The following SCARB1 variants were observed in gnomAD, a reference collection of about 807,000 sequenced individuals.
The protein encoded by SCARB1 is CD36 and LIMPII analogous 1.
SCARB1 carries 30 observed loss-of-function variants against 57.2 expected under a neutral mutation model. That is an observed-to-expected ratio of 0.52 (90% CI 0.39 to 0.71). SCARB1 has a LOEUF of 0.71. Among genes scored for constraint, SCARB1 ranks in the 30% least tolerant of loss-of-function variants. The pLI is 0.00. For missense variants in SCARB1, 543 were observed against 671.2 expected (o/e 0.81, Z 2.11); for synonymous variants, 249 against 268.3 (o/e 0.93, Z 0.70).
At position 124,778,593 on chromosome 12, in the gene SCARB1, A is replaced by G; in HGVS notation, c.*1-7T>C. ...TCACGGTGTCCTCAGGACCCTGTGG[A>G]GAAAGGCAAAGCTGGGTGACCACCC... On this transcript the variant is annotated splice_region_variant and splice_polypyrimidine_tract_variant and intron_variant, in intron 12 of 12. Transcript: ENST00000261693. The G allele has an allele frequency of 7.1e-7, 1 of 1,410,860 alleles. No individual in the cohort carries two copies. Among genetic ancestry groups the G allele is most frequent in the Non-Finnish European group, 9.2e-7 (1 of 1,085,540 alleles). 87.4% of individuals were successfully genotyped at this position (1,410,860 alleles called of 1,614,324 possible).
intron 9 of SCARB1, among the ~76,000 whole-genome samples, chr12:124,794,658 C>A (rs1455377764): frequency 6.6e-6 from 1 of 152,126 alleles, no homozygotes; most frequent in Admixed American, 6.5e-5. Flanking sequence ...AGGCCGGGCA[C>A]GGTGGCTCAC....
chr12:124,810,936 G>A lies in SCARB1; in HGVS notation c.727-647C>T, dbSNP rs139171931. The stretch of plus-strand genomic sequence containing the variant: ...TTTGCCACTCTGGGCACCGGTTGGG[G>A]TACGATTTGTCCCTAGCCCTCAGGG... On this transcript the variant is annotated intron_variant, in intron 5 of 12. Transcript: ENST00000261693. The surrounding 1 kb of genome is among the most constrained non-coding windows in gnomAD (Gnocchi z 4.0). Among the ~76,000 whole-genome samples, 184 of 152,332 alleles carry A rather than the reference G, an allele frequency of 1.2e-3. 1 individual carries two copies. Among genetic ancestry groups the A allele is most frequent in the African/African-American group, 4.2e-3 (175 of 41,588 alleles).
intron 11 of SCARB1, 186 bp downstream of exon 11, chr12:124,786,171 T>C (rs929040866): frequency 2.5e-6 from 4 of 1,570,040 alleles, no homozygotes; most frequent in Middle Eastern, 1.7e-4. Flanking sequence ...CAACGCGGCA[T>C]GCAAAAGACG....
At chr12:124,863,564 G>C in intron 1 of SCARB1, 31 bp downstream of exon 1, 2 of 1,593,172 alleles carry the variant, frequency 1.3e-6, no homozygotes, top group Non-Finnish European at 8.5e-7. Context: ...CCGGGTCCGT[G>C]CGCGGACCCC....
intron 9 of SCARB1, among the ~76,000 whole-genome samples, 200 bp from the exon 10 acceptor site, chr12:124,787,657 A>T (rs952173214): frequency 6.6e-6 from 1 of 152,220 alleles, no homozygotes; most frequent in African/African-American, 2.4e-5. Context: ...CTCAGTCTAC[A>T]GCCCTCAATA....
intron 1 of SCARB1, among the ~76,000 whole-genome samples, chr12:124,829,834 A>G (rs780725422): frequency 6.6e-6 from 1 of 152,204 alleles, no homozygotes; most frequent in Admixed American, 6.5e-5. Flanking sequence ...TGAAAATACC[A>G]TTCTTCCTAA....
At chr12:124,854,339 T>C (rs532439785) in intron 1 of SCARB1, among the ~76,000 whole-genome samples, 2 of 152,256 alleles carry the variant, frequency 1.3e-5, no homozygotes, top group African/African-American at 4.8e-5. Context: ...GAAAAGGGAA[T>C]GCGGACGTCG....
At chr12:124,828,345 C>T (rs796351257) in intron 1 of SCARB1, among the ~76,000 whole-genome samples, 7 of 152,220 alleles carry the variant, frequency 4.6e-5, no homozygotes, top group South Asian at 2.1e-4. Flanking sequence ...CCCACTGGAA[C>T]GACCTCGGCC....
chr12:124,834,439 A>G (rs1332785376), intron 1 of SCARB1, among the ~76,000 whole-genome samples: 3 of 152,230 alleles, frequency 2.0e-5, no homozygotes, highest in Non-Finnish European at 4.4e-5. Flanking sequence ...CACTCCAGGC[A>G]TGAGGTCTCG....
chr12:124,856,055 G>A (rs1952609927), intron 1 of SCARB1, among the ~76,000 whole-genome samples: 1 of 152,242 alleles, frequency 6.6e-6, no homozygotes, highest in South Asian at 2.1e-4. Flanking sequence ...TCTCCCGGCG[G>A]AGGCACAGCA....
At position 124,812,283 on chromosome 12, in the gene SCARB1, T is replaced by C. The variant is rs191912549; in HGVS notation, c.631-318A>G. 6.6e-6 allele frequency among the ~76,000 whole-genome samples: 1 copy of C among 152,252 alleles called. No individual in the cohort carries two copies. Among genetic ancestry groups the C allele is most frequent in the East Asian group, 1.9e-4 (1 of 5,182 alleles). On this transcript the variant is annotated intron_variant, in intron 4 of 12. Transcript: ENST00000261693. This position sits in a 1 kb window ranked among gnomAD's most constrained non-coding sequence, Gnocchi z 4.3. ...CAGCATAAAATAAAGCATGGCCAGG[T>C]CAGCTCCCTGAGCAATGAAAAAGGA...
chr12:124,832,600 T>C (rs1345258638), intron 1 of SCARB1, among the ~76,000 whole-genome samples: 1 of 151,708 alleles, frequency 6.6e-6, no homozygotes, highest in Non-Finnish European at 1.5e-5. Context: ...GAGGGCCAAA[T>C]CAGTGCCTCA....
At chr12:124,790,497 T>C (rs1949686408) in intron 9 of SCARB1, among the ~76,000 whole-genome samples, 1 of 152,190 alleles carries the variant, frequency 6.6e-6, no homozygotes, top group Non-Finnish European at 1.5e-5. Context: ...CTGGAGCCTC[T>C]GGAAGGAACA....
chr12:124,841,147 G>A (rs995179936), intron 1 of SCARB1, among the ~76,000 whole-genome samples: 5 of 152,206 alleles, frequency 3.3e-5, no homozygotes, highest in Non-Finnish European at 5.9e-5. Context: ...CGAGGTGGGC[G>A]GATCACGAGG....
rs1952996936 is a variant in SCARB1, at chr12:124,863,668, C to T, written c.53G>A (p.Gly18Glu). The change falls in exon 1 of 13, where the codon GGG (glycine) becomes GAG (glutamate). Residue 18 changes from glycine (G) to glutamate (E), a missense_variant. Transcript: ENST00000261693. ...AGCGCCCAGCACAGCGCACAGTAGC[C>T]CCGCGACGCCCAGCGCCCCGGCAGC... Reference protein sequence around the residue: ...RWAAGALGVAGLLCAVLGAVM... With the variant: ...RWAAGALGVAELLCAVLGAVM... 1.3e-6 allele frequency: 2 copies of T among 1,572,526 alleles called. No homozygotes were observed. The highest frequency in any genetic ancestry group is 1.4e-5 in the African/African-American group (1 of 71,600).
chr12:124,804,807 G>C (rs996042113), intron 7 of SCARB1, among the ~76,000 whole-genome samples: 4 of 152,168 alleles, frequency 2.6e-5, no homozygotes, highest in African/African-American at 9.7e-5. Context: ...TGGAGGACGG[G>C]GCTTCAACCA....
At chr12:124,850,539 C>T (rs565284835) in intron 1 of SCARB1, among the ~76,000 whole-genome samples, 7 of 152,020 alleles carry the variant, frequency 4.6e-5, no homozygotes, top group East Asian at 1.9e-4. Flanking sequence ...GGCACAGTGG[C>T]GCAGCCTGTA....
intron 12 of SCARB1, among the ~76,000 whole-genome samples, chr12:124,782,337 G>T (rs1358798332): frequency 1.3e-5 from 2 of 152,144 alleles, no homozygotes; most frequent in African/African-American, 2.4e-5. Flanking sequence ...GCTGCCCAGG[G>T]ATCTGCATTT....
At chr12:124,806,961 G>A (rs555497250) in intron 7 of SCARB1, among the ~76,000 whole-genome samples, 83 of 151,326 alleles carry the variant, frequency 5.5e-4, no homozygotes, top group East Asian at 5.9e-4. Context: ...CACTTTGGGA[G>A]GCCGAGGCAG....
Sources: allele counts gnomAD v4.1 joint callset (sites outside exome capture counted in the v4.1 genomes callset), GRCh38; gene constraint gnomAD v4.1.1; non-coding constraint Gnocchi (gnomAD v3.1); transcripts MANE v1.5; gene names NCBI Gene and HGNC (gene_info 2026-07-23, HGNC 2026-07-21).